Variants in TNR observed in about 807,000 individuals in gnomAD.
TNR encodes tenascin R.
In TNR, 45 loss-of-function variants were observed where a neutral mutation model predicts 150.4. The observed-to-expected ratio is 0.30, with a 90% CI of 0.24 to 0.38. The LOEUF (loss-of-function observed/expected upper bound fraction) is 0.38, where lower values mean the gene tolerates loss of function less well. Ranked by LOEUF, TNR falls within the 10% of genes least tolerant of loss-of-function variation. The pLI is 1.00. For synonymous variants in TNR, 687 were observed against 678.4 expected, an observed-to-expected ratio of 1.01 and a Z score of -0.20; for missense variants, 1,544 against 1,759.1, an observed-to-expected ratio of 0.88 and a Z score of 2.19.
chr1:175,362,684 T>TG lies in TNR; in HGVS notation c.2832dup (p.Ile945HisfsTer35). The TG allele has an allele frequency of 6.2e-7, 1 of 1,614,070 alleles. No individual in the cohort carries two copies. The highest frequency in any genetic ancestry group is 8.5e-7 in the Non-Finnish European group (1 of 1,179,972). Reference sequence around the variant, plus strand: ...CCACCTGTGTGCACAAGAGTACAGATGCGCTCGCTTTCCTCCCTGCCCCGC... The same window carrying TG: ...CCACCTGTGTGCACAAGAGTACAGATGGCGCTCGCTTTCCTCCCTGCCCCGC... On this transcript the variant is annotated frameshift_variant, in exon 14 of 23. Transcript: ENST00000367674. LOFTEE classifies it high-confidence loss of function.
rs1425306656 is a variant in TNR, at chr1:175,599,511, T to C, written c.-164-71142A>G. On this transcript the variant is annotated intron_variant, in intron 1 of 22. Transcript: ENST00000367674. The surrounding 1 kb of genome is among the most constrained non-coding windows in gnomAD (Gnocchi z 4.7). ...GCCGAGTGACGGAGTAATTCGCAGA[T>C]GCCACCGAGCGGTGGGGCGGCGCGG... Among the ~76,000 whole-genome samples the C allele has an allele frequency of 6.6e-6, 1 of 152,212 alleles. No individual in the cohort carries two copies. Among genetic ancestry groups the C allele is most frequent in the African/African-American group, 2.4e-5 (1 of 41,460 alleles).
intron 1 of TNR, among the ~76,000 whole-genome samples, chr1:175,699,702 C>T (rs978424458): frequency 2.6e-5 from 4 of 151,916 alleles, no homozygotes; most frequent in African/African-American, 7.3e-5. Context: ...GTGGTGGTGG[C>T]CAGCGACTGA....
At chr1:175,589,970 C>T (rs186243617) in intron 1 of TNR, among the ~76,000 whole-genome samples, 4 of 152,182 alleles carry the variant, frequency 2.6e-5, no homozygotes, top group Admixed American at 6.5e-5. Flanking sequence ...ACGTTTTGCA[C>T]ATGTATCCCA....
chr1:175,455,942 G>A (rs999344910), intron 2 of TNR, among the ~76,000 whole-genome samples: 2 of 152,106 alleles, frequency 1.3e-5, no homozygotes, highest in African/African-American at 4.8e-5. Flanking sequence ...GAGTGAACGG[G>A]GGCACTATTA....
intron 1 of TNR, among the ~76,000 whole-genome samples, chr1:175,590,262 A>G (rs1056984576): frequency 4.6e-5 from 7 of 152,230 alleles, no homozygotes; most frequent in Non-Finnish European, 1.0e-4. Flanking sequence ...TCAAAACACT[A>G]TGTTGTACAT....
rs1259637319 is a variant in TNR at position 175,322,079 on chromosome 1, G to A, written c.*1278C>T. On this transcript the variant is annotated 3_prime_UTR_variant, in exon 23 of 23. Transcript: ENST00000367674. The stretch of plus-strand genomic sequence containing the variant: ...CAGAAATGGAGAAAACAGGGCTAGG[G>A]AAGATCTGTGTTTCCCATGGAAACT... The A allele has an allele frequency of 6.6e-6, 1 of 152,204 alleles. No homozygotes were observed. Among genetic ancestry groups the A allele is most frequent in the African/African-American group, 2.4e-5 (1 of 41,452 alleles). 9.4% of individuals were successfully genotyped at this position (152,204 alleles called of 1,614,324 possible). A position where few individuals can be genotyped will look rare whatever the true frequency, so the allele number is the denominator to read the frequency against.
intron 1 of TNR, among the ~76,000 whole-genome samples, chr1:175,712,008 G>T (rs1667032112): frequency 6.6e-6 from 1 of 152,054 alleles, no homozygotes; most frequent in Non-Finnish European, 1.5e-5. Context: ...TAGAAATTTG[G>T]GTTCAGATGA....
At chr1:175,578,385 C>T (rs958850291) in intron 1 of TNR, among the ~76,000 whole-genome samples, 1 of 151,894 alleles carries the variant, frequency 6.6e-6, no homozygotes, top group African/African-American at 2.4e-5. Context: ...AGGAAAGGCA[C>T]TGGAGGGGAA....
intron 21 of TNR, among the ~76,000 whole-genome samples, chr1:175,327,884 G>T (rs1466473601): frequency 6.6e-6 from 1 of 152,184 alleles, no homozygotes; most frequent in Non-Finnish European, 1.5e-5. Flanking sequence ...GAGGCAGGTG[G>T]ATCACCACAG....
chr1:175,522,349 G>T (rs1195022994), intron 2 of TNR, among the ~76,000 whole-genome samples: 1 of 152,184 alleles, frequency 6.6e-6, no homozygotes, highest in African/African-American at 2.4e-5. Context: ...TGGGAGCTAA[G>T]CTATGAGGAT....
In TNR at chr1:175,612,835, T is replaced by C. The variant is rs559353022; in HGVS notation, c.-164-84466A>G. Among the ~76,000 whole-genome samples the C allele has an allele frequency of 1.2e-4, 18 of 152,340 alleles. No homozygotes were observed. The East Asian group carries it at 3.3e-3, about 28-fold the overall frequency. On this transcript the variant is annotated intron_variant, in intron 1 of 22. Transcript: ENST00000367674. ...TTCTTTAATATTCTTTTTCCATTAG[T>C]GAACTTGATTCCAATCATTTACTCA...
At chr1:175,511,912 T>C (rs1461388779) in intron 2 of TNR, among the ~76,000 whole-genome samples, 1 of 152,236 alleles carries the variant, frequency 6.6e-6, no homozygotes, top group Non-Finnish European at 1.5e-5. Context: ...ATTACATTAC[T>C]TTTTGAAGAA....
At chr1:175,403,719 T>C (rs1395781710) in intron 3 of TNR, 103 bp from the exon 4 acceptor site, 1 of 956,646 alleles carries the variant, frequency 1.0e-6, no homozygotes, top group East Asian at 2.4e-5. Context: ...TCTGACCAGA[T>C]TTCTGTTGCT....
intron 1 of TNR, among the ~76,000 whole-genome samples, chr1:175,638,340 C>T (rs1372525024): frequency 6.6e-6 from 1 of 152,222 alleles, no homozygotes; most frequent in East Asian, 1.9e-4. Context: ...AGGTCCTCCT[C>T]CTCAGTGGCT....
chr1:175,505,120 T>C (rs1164510304), intron 2 of TNR, among the ~76,000 whole-genome samples: 1 of 140,410 alleles, frequency 7.1e-6, no homozygotes, highest in Non-Finnish European at 1.5e-5. Context: ...ACAAGGTCGT[T>C]TCCAATCTGC....
intron 1 of TNR, among the ~76,000 whole-genome samples, chr1:175,726,052 T>A (rs569612200): frequency 1.3e-5 from 2 of 152,232 alleles, no homozygotes; most frequent in African/African-American, 4.8e-5. Context: ...TTCCAGCACG[T>A]CTTTCATAGA....
chr1:175,586,891 T>C (rs1234572699), intron 1 of TNR, among the ~76,000 whole-genome samples: 1 of 152,220 alleles, frequency 6.6e-6, no homozygotes, highest in African/African-American at 2.4e-5. Flanking sequence ...GGGATGAAGA[T>C]TGGCCAGGGC....
chr1:175,442,547 A>G (rs1655841925), intron 2 of TNR, among the ~76,000 whole-genome samples: 1 of 151,724 alleles, frequency 6.6e-6, no homozygotes, highest in Admixed American at 6.6e-5. Flanking sequence ...ACAAACAGAG[A>G]TTGCATTTGG....
chr1:175,492,577 T>C (rs1315033612), intron 2 of TNR, among the ~76,000 whole-genome samples: 1 of 152,134 alleles, frequency 6.6e-6, no homozygotes, highest in Non-Finnish European at 1.5e-5. Flanking sequence ...GGCAGGTGTG[T>C]GTCAAGGCCT....
Sources: allele counts gnomAD v4.1 joint callset (sites outside exome capture counted in the v4.1 genomes callset), GRCh38; gene constraint gnomAD v4.1.1; non-coding constraint Gnocchi (gnomAD v3.1); transcripts MANE v1.5; gene names NCBI Gene and HGNC (gene_info 2026-07-23, HGNC 2026-07-21).